Variants in PDE3A observed in about 807,000 individuals in gnomAD.
PDE3A encodes the protein cGMP-inhibited 3',5'-cyclic phosphodiesterase 3A.
A neutral mutation model predicts 98.3 loss-of-function variants in PDE3A; 43 were observed. The ratio of observed to expected loss-of-function variants is 0.44; its 90% confidence interval spans 0.34 to 0.56. PDE3A has a LOEUF of 0.56. Among genes scored for constraint, PDE3A ranks in the 20% least tolerant of loss-of-function variants. PDE3A has a pLI of 0.01. For synonymous variants in PDE3A, 663 were observed against 567.9 expected (o/e 1.17, Z -2.38); for missense variants, 1,427 against 1,440.7 (o/e 0.99, Z 0.15).
At chr12:20,421,531 G>C (rs1944511214) in intron 1 of PDE3A, among the ~76,000 whole-genome samples, 1 of 151,258 alleles carries the variant, frequency 6.6e-6, no homozygotes, top group Non-Finnish European at 1.5e-5. Flanking sequence ...TTATAACTCT[G>C]GTATAGAATA....
At chr12:20,661,261 G>T (rs879436653) in intron 15 of PDE3A, among the ~76,000 whole-genome samples, 1 of 152,154 alleles carries the variant, frequency 6.6e-6, no homozygotes, top group Non-Finnish European at 1.5e-5. Flanking sequence ...GCATTCAAAG[G>T]CAACTTGGGT....
intron 1 of PDE3A, among the ~76,000 whole-genome samples, chr12:20,536,354 GT>G (rs1565581007): frequency 2.0e-5 from 3 of 152,014 alleles, no homozygotes; most frequent in African/African-American, 7.2e-5. Flanking sequence ...GTGTGTGTGT[GT>G]GTGTGCATAG....
At chr12:20,518,705 T>A (rs1404187971) in intron 1 of PDE3A, among the ~76,000 whole-genome samples, 7 of 152,172 alleles carry the variant, frequency 4.6e-5, no homozygotes, top group Admixed American at 2.6e-4. Flanking sequence ...GGTGACCAAT[T>A]TTTTTGGTAA....
At chr12:20,534,171 A>C (rs1318313069) in intron 1 of PDE3A, among the ~76,000 whole-genome samples, 2 of 152,156 alleles carry the variant, frequency 1.3e-5, no homozygotes, top group African/African-American at 2.4e-5. Context: ...ATTATATTGT[A>C]ATTATTTACA....
At chr12:20,454,669 C>G (rs1317593733) in intron 1 of PDE3A, among the ~76,000 whole-genome samples, 1 of 152,164 alleles carries the variant, frequency 6.6e-6, no homozygotes, top group Non-Finnish European at 1.5e-5. Flanking sequence ...TCATTCCCCT[C>G]TATGTGTCCA....
intron 1 of PDE3A, among the ~76,000 whole-genome samples, chr12:20,536,883 T>C (rs1941762876): frequency 6.6e-6 from 1 of 152,116 alleles, no homozygotes; most frequent in Admixed American, 6.5e-5. Context: ...ATATTTGTTT[T>C]CATTTCTCTG....
At chr12:20,419,738 A>ATTTT (rs34873079) in intron 1 of PDE3A, among the ~76,000 whole-genome samples, 2,916 of 132,634 alleles carry the variant, frequency 0.022, 149 homozygotes, top group African/African-American at 0.063. Flanking sequence ...TTAATATTGT[A>ATTTT]TTTTTTTTTT....
At chr12:20,661,055 A>G (rs1250981447) in intron 15 of PDE3A, among the ~76,000 whole-genome samples, 6 of 152,196 alleles carry the variant, frequency 3.9e-5, no homozygotes, top group Non-Finnish European at 5.9e-5. Flanking sequence ...TGATAGTGAT[A>G]TGAACAATGA....
rs188294174 is a variant in PDE3A at position 20,516,965 on chromosome 12, T to G, written c.961-39695T>G. On this transcript the variant is annotated intron_variant, in intron 1 of 15. Transcript: ENST00000359062. Reference sequence around the variant, plus strand: ...GAATTTCAAAGCAGGAAGAGCATCTTGTTTTACCCCTCTTTGTACAGATGG... The same window carrying G: ...GAATTTCAAAGCAGGAAGAGCATCTGGTTTTACCCCTCTTTGTACAGATGG... 4.5e-4 allele frequency among the ~76,000 whole-genome samples: 68 copies of G among 152,318 alleles called. 1 individual carries two copies. The East Asian group carries it at 0.012, about 28-fold the overall frequency.
intron 15 of PDE3A, among the ~76,000 whole-genome samples, chr12:20,669,362 C>T (rs1208565665): frequency 6.6e-6 from 1 of 152,018 alleles, no homozygotes; most frequent in Non-Finnish European, 1.5e-5. Context: ...CACAAAGATA[C>T]TCCTCAAGAA....
chr12:20,676,439 T>C (rs2120466401), intron 15 of PDE3A, among the ~76,000 whole-genome samples: 1 of 152,132 alleles, frequency 6.6e-6, no homozygotes, highest in African/African-American at 2.4e-5. Flanking sequence ...GATTGGAGTT[T>C]CCTTATAAGT....
chr12:20,631,435 C>T (rs1017722166), intron 6 of PDE3A, among the ~76,000 whole-genome samples: 1 of 152,134 alleles, frequency 6.6e-6, no homozygotes, highest in Non-Finnish European at 1.5e-5. Flanking sequence ...GACCACAGAA[C>T]CAATTTCTTT....
intron 2 of PDE3A, among the ~76,000 whole-genome samples, chr12:20,613,155 T>G (rs12317949): frequency 6.6e-6 from 1 of 152,146 alleles, no homozygotes; most frequent in African/African-American, 2.4e-5. Flanking sequence ...CTTCCCCAGA[T>G]CTCTGAAACT....
chr12:20,656,042 A>G (rs1174009946), intron 15 of PDE3A, among the ~76,000 whole-genome samples: 1 of 152,174 alleles, frequency 6.6e-6, no homozygotes, highest in Non-Finnish European at 1.5e-5. Context: ...CCTGTCATGA[A>G]ACAAATAGTG....
chr12:20,657,736 C>G (rs1945075549), intron 15 of PDE3A, among the ~76,000 whole-genome samples: 1 of 152,200 alleles, frequency 6.6e-6, no homozygotes, highest in South Asian at 2.1e-4. Flanking sequence ...TACAAACTTT[C>G]TTCTACGTCA....
At chr12:20,643,331 A>G (rs746967809) in intron 10 of PDE3A, among the ~76,000 whole-genome samples, 33 of 149,010 alleles carry the variant, frequency 2.2e-4, no homozygotes, top group Non-Finnish European at 4.8e-4. Flanking sequence ...TGTATTACAT[A>G]GAAACCTGTC....
chr12:20,675,472 G>T (rs543955796), intron 15 of PDE3A, among the ~76,000 whole-genome samples: 2 of 152,094 alleles, frequency 1.3e-5, no homozygotes, highest in African/African-American at 4.8e-5. Context: ...TTAATTTTCT[G>T]TCTAGATGAG....
At chr12:20,476,389 G>A (rs890293914) in intron 1 of PDE3A, among the ~76,000 whole-genome samples, 6 of 152,162 alleles carry the variant, frequency 3.9e-5, no homozygotes, top group Admixed American at 6.5e-5. Context: ...TATATTTGAT[G>A]GATGTTATGA....
chr12:20,613,972 T>C (rs1417580929), intron 3 of PDE3A, among the ~76,000 whole-genome samples: 1 of 152,206 alleles, frequency 6.6e-6, no homozygotes, highest in African/African-American at 2.4e-5. Context: ...CTCTTCTATA[T>C]GCCAGGCGCT....
Sources: allele counts gnomAD v4.1 joint callset (sites outside exome capture counted in the v4.1 genomes callset), GRCh38; gene constraint gnomAD v4.1.1; transcripts MANE v1.5; gene names NCBI Gene and HGNC (gene_info 2026-07-23, HGNC 2026-07-21).